The following IGF1R variants were observed in gnomAD, a reference collection of about 807,000 sequenced individuals.
IGF1R encodes the protein insulin-like growth factor 1 receptor.
In IGF1R, 44 loss-of-function variants were observed where a neutral mutation model predicts 144.6. The ratio of observed to expected loss-of-function variants is 0.30; its 90% CI spans 0.24 to 0.39. IGF1R has a LOEUF of 0.39. Among genes scored for constraint, IGF1R ranks in the 10% least tolerant of loss-of-function variants. The pLI is 1.00. For synonymous variants in IGF1R, 795 were observed against 722.8 expected (o/e 1.10, Z -1.60); for missense variants, 1,355 against 1,833.7 (o/e 0.74, Z 4.77).
chr15:98,948,694 C>G lies in IGF1R; in HGVS notation c.3708C>G (p.Asn1236Lys). ...MEGGLLDKPD[N>K]CPDMLFELMR... ...GCGGCCTTCTGGACAAGCCAGACAA[C>G]TGTCCTGACATGCTGTACGTACTTC... Residue 1236 changes from asparagine (N) to lysine (K), a missense_variant, in exon 20 of 21, where the codon AAC becomes AAG. Transcript: ENST00000650285. 6.2e-7 allele frequency: 1 copy of G among 1,614,200 alleles called. No homozygotes were observed. The highest frequency in any genetic ancestry group is 8.5e-7 in the Non-Finnish European group (1 of 1,180,044).
chr15:98,772,662 A>G (rs936304460), intron 2 of IGF1R, among the ~76,000 whole-genome samples: 21 of 150,816 alleles, frequency 1.4e-4, no homozygotes, highest in African/African-American at 5.1e-4. Flanking sequence ...ACGCCCAGCT[A>G]ATTTTTTTTT....
intron 2 of IGF1R, among the ~76,000 whole-genome samples, chr15:98,771,622 T>C (rs556499265): frequency 1.3e-5 from 2 of 152,320 alleles, no homozygotes; most frequent in East Asian, 3.9e-4. Flanking sequence ...GAGGCCTGCA[T>C]GCATGTTGAA....
chr15:98,799,363 A>G (rs2056314343), intron 2 of IGF1R, among the ~76,000 whole-genome samples: 1 of 23,594 alleles, frequency 4.2e-5, no homozygotes, highest in South Asian at 1.5e-3. Context: ...GGCTGCAGTA[A>G]GTTTAAAAAA....
chr15:98,954,195 C>G (rs1486724995), intron 20 of IGF1R: 1 of 152,204 alleles, frequency 6.6e-6, no homozygotes, highest in East Asian at 1.9e-4. Flanking sequence ...AATACGGAGG[C>G]ACCTCTGTGT....
chr15:98,782,003 AT>A (rs923736461), intron 2 of IGF1R, among the ~76,000 whole-genome samples: 2 of 151,824 alleles, frequency 1.3e-5, no homozygotes, highest in African/African-American at 2.4e-5. Context: ...CCTCCTATTG[AT>A]TTTTTTTGAG....
chr15:98,661,612 G>A (rs1017338485), intron 1 of IGF1R, among the ~76,000 whole-genome samples: 6 of 152,260 alleles, frequency 3.9e-5, no homozygotes, highest in African/African-American at 9.6e-5. Flanking sequence ...TTCTCCGTGC[G>A]GTTTGCATAT....
At chr15:98,824,802 A>G (rs894148374) in intron 2 of IGF1R, among the ~76,000 whole-genome samples, 4 of 150,972 alleles carry the variant, frequency 2.6e-5, no homozygotes, top group African/African-American at 7.3e-5. Context: ...TTGATCATCT[A>G]TTACGCTGTT....
chr15:98,927,443 C>G (rs538083351), intron 13 of IGF1R, among the ~76,000 whole-genome samples: 1 of 152,276 alleles, frequency 6.6e-6, no homozygotes, highest in African/African-American at 2.4e-5. Context: ...TTTCTTGTAG[C>G]CCAATATCAT....
intron 2 of IGF1R, among the ~76,000 whole-genome samples, chr15:98,887,226 A>G (rs1211814274): frequency 1.3e-5 from 2 of 151,866 alleles, no homozygotes; most frequent in Non-Finnish European, 2.9e-5. Flanking sequence ...GACTGACTGG[A>G]TGGTATAATT....
At chr15:98,732,995 A>C (rs1303474624) in intron 2 of IGF1R, among the ~76,000 whole-genome samples, 1 of 152,178 alleles carries the variant, frequency 6.6e-6, no homozygotes, top group African/African-American at 2.4e-5. Context: ...AGCACCCCTC[A>C]CGCGAGCCCA....
In IGF1R at chr15:98,651,006, G is replaced by T. The variant is rs559460617; in HGVS notation, c.94+1331G>T. ...AAGTGTGGCTTACTGGTACATTCAA[G>T]ATGGTAGGGTAATTTGAACACGATT... On this transcript the variant is annotated intron_variant, in intron 1 of 20. Transcript: ENST00000650285. 3 of 985,326 alleles carry T rather than the reference G, an allele frequency of 3.0e-6. No individual in the cohort carries two copies. In the East Asian group the frequency reaches 3.4e-4, roughly 112 times the overall value. 61.0% of individuals were successfully genotyped at this position (985,326 alleles called of 1,614,324 possible).
intron 2 of IGF1R, among the ~76,000 whole-genome samples, chr15:98,723,461 C>T (rs950151342): frequency 1.3e-5 from 2 of 152,144 alleles, no homozygotes; most frequent in Admixed American, 6.5e-5. Context: ...TGTAAATGGG[C>T]AGAGGGAAAT....
intron 19 of IGF1R, among the ~76,000 whole-genome samples, chr15:98,946,037 G>A (rs1038013473): frequency 1.3e-5 from 2 of 151,986 alleles, no homozygotes; most frequent in African/African-American, 2.4e-5. Flanking sequence ...TGACGACGAT[G>A]ACAGCGTCGT....
At chr15:98,876,896 C>G (rs185833885) in intron 2 of IGF1R, among the ~76,000 whole-genome samples, 1 of 152,308 alleles carries the variant, frequency 6.6e-6, no homozygotes, top group African/African-American at 2.4e-5. Context: ...TTTGTGATTT[C>G]TGCACAATGT....
At chr15:98,787,464 C>G (rs2056025491) in intron 2 of IGF1R, among the ~76,000 whole-genome samples, 2 of 152,304 alleles carry the variant, frequency 1.3e-5, no homozygotes, top group Admixed American at 1.3e-4. Context: ...TGACACAGAG[C>G]TTTGCCCTTC....
chr15:98,710,568 A>G (rs1299811295), intron 2 of IGF1R, among the ~76,000 whole-genome samples: 1 of 152,194 alleles, frequency 6.6e-6, no homozygotes, highest in African/African-American at 2.4e-5. Context: ...CATTTCATTA[A>G]TAATTACTAT....
chr15:98,765,189 T>C (rs1182865851), intron 2 of IGF1R, among the ~76,000 whole-genome samples: 1 of 152,194 alleles, frequency 6.6e-6, no homozygotes, highest in African/African-American at 2.4e-5. Flanking sequence ...TCCAGTTGTA[T>C]CCAGAAGATT....
chr15:98,906,457 G>A (rs550551392), intron 5 of IGF1R, among the ~76,000 whole-genome samples: 1 of 152,334 alleles, frequency 6.6e-6, no homozygotes, highest in Admixed American at 6.5e-5. Flanking sequence ...AGAAACCTAT[G>A]AGCAAGAATG....
At chr15:98,695,897 A>G (rs2053584361) in intron 1 of IGF1R, among the ~76,000 whole-genome samples, 1 of 152,068 alleles carries the variant, frequency 6.6e-6, no homozygotes, top group African/African-American at 2.4e-5. Flanking sequence ...CCCTGCTCTC[A>G]CTTGGATGTT....
Sources: allele counts gnomAD v4.1 joint callset (sites outside exome capture counted in the v4.1 genomes callset), GRCh38; gene constraint gnomAD v4.1.1; transcripts MANE v1.5; gene names NCBI Gene and HGNC (gene_info 2026-07-23, HGNC 2026-07-21).